The following IQCH variants were observed in gnomAD, a reference collection of about 807,000 sequenced individuals.
IQCH encodes IQ motif containing H.
Under a neutral mutation model 117.0 loss-of-function variants are expected in IQCH, and 98 were observed. The ratio of observed to expected loss-of-function variants is 0.84; its 90% CI spans 0.71 to 0.99. The LOEUF is 0.99. IQCH is among the 50% of genes least tolerant of loss of function. The pLI, the probability that IQCH is intolerant of heterozygous loss-of-function variation, is 0.00. For missense variants in IQCH, 1,102 were observed against 1,243.8 expected, an observed-to-expected ratio of 0.89 and a Z score of 1.72; for synonymous variants, 412 against 448.2, an observed-to-expected ratio of 0.92 and a Z score of 1.02.
At chr15:67,306,775 T>C (rs1404571009) in intron 4 of IQCH, 1 of 1,281,534 alleles carries the variant, frequency 7.8e-7, no homozygotes, top group African/African-American at 1.5e-5. Flanking sequence ...ATTTTTTCAA[T>C]ATCTTCAATC....
rs545408771 is a variant in IQCH, at chr15:67,454,261, C to T, written c.2506-10866C>T. Among the ~76,000 whole-genome samples the T allele has an allele frequency of 7.2e-4, 109 of 152,296 alleles. No homozygotes were observed. Among genetic ancestry groups the T allele is most frequent in the Middle Eastern group, 6.8e-3 (2 of 294 alleles). On this transcript the variant is annotated intron_variant, in intron 16 of 20. Transcript: ENST00000335894. The surrounding 1 kb of genome is among the most constrained non-coding windows in gnomAD (Gnocchi z 5.2). ...CCTGCGCCTACTGTCTGGCACTCCC[C>T]AGTGAGATGAACCCGGTACCTCAGT...
chr15:67,452,224 A>G (rs1051911664), intron 16 of IQCH, among the ~76,000 whole-genome samples: 7 of 152,178 alleles, frequency 4.6e-5, no homozygotes, highest in African/African-American at 1.7e-4. Context: ...GCCCATTTAC[A>G]TTTAAAGTTA....
chr15:67,299,773 T>G (rs1317120538), intron 4 of IQCH, among the ~76,000 whole-genome samples: 1 of 152,148 alleles, frequency 6.6e-6, no homozygotes, highest in Non-Finnish European at 1.5e-5. Flanking sequence ...TGTATTCAGA[T>G]TCTGTCTTTT....
At chr15:67,483,789 A>C (rs1161438934) in intron 18 of IQCH, among the ~76,000 whole-genome samples, 1 of 152,194 alleles carries the variant, frequency 6.6e-6, no homozygotes, top group African/African-American at 2.4e-5. Context: ...AGTGAGCCCC[A>C]AAAATTTGTG....
Position 67,372,102 on chromosome 15 carries a change from T to C in IQCH, c.754-9T>C, listed in dbSNP as rs767403384. On this transcript the variant is annotated splice_polypyrimidine_tract_variant and intron_variant, in intron 8 of 20. Coordinates refer to ENST00000335894, the MANE Select transcript of IQCH (RefSeq NM_001031715.3). ...TTCACTTCTAAAATATATTTCTTTT[T>C]TTCCACAGGCCATGAAAGTCAAAAC... The C allele has an allele frequency of 6.3e-7, 1 of 1,578,998 alleles. No individual in the cohort carries two copies. The highest frequency in any genetic ancestry group is 8.6e-7 in the Non-Finnish European group (1 of 1,167,180).
At chr15:67,261,498 C>A in intron 2 of IQCH, 104 bp downstream of exon 2, 1 of 958,816 alleles carries the variant, frequency 1.0e-6, no homozygotes, top group East Asian at 3.0e-5. Context: ...TGTAACAAAG[C>A]TGAATTTAGG....
intron 7 of IQCH, among the ~76,000 whole-genome samples, chr15:67,358,055 C>T (rs937000795): frequency 6.6e-6 from 1 of 150,858 alleles, no homozygotes; most frequent in Non-Finnish European, 1.5e-5. Context: ...GACGGGGTTT[C>T]ACCATTTTGG....
At chr15:67,291,215 G>T (rs1966739701) in intron 4 of IQCH, among the ~76,000 whole-genome samples, 1 of 152,134 alleles carries the variant, frequency 6.6e-6, no homozygotes, top group Admixed American at 6.5e-5. Context: ...AAAGCAAAAA[G>T]GTGAAGCCAT....
At chr15:67,292,717 T>C (rs1966793805) in intron 4 of IQCH, among the ~76,000 whole-genome samples, 2 of 152,202 alleles carry the variant, frequency 1.3e-5, no homozygotes, top group Non-Finnish European at 1.5e-5. Flanking sequence ...TTTCACCCCT[T>C]AATGCTTTTA....
intron 14 of IQCH, among the ~76,000 whole-genome samples, chr15:67,414,810 GACC>G (rs2081537903): frequency 6.6e-6 from 1 of 152,012 alleles, no homozygotes; most frequent in Non-Finnish European, 1.5e-5. Flanking sequence ...TGGTATGAAT[GACC>G]ACATGTGTAT....
chr15:67,288,023 G>A (rs1966627223), intron 4 of IQCH, among the ~76,000 whole-genome samples: 1 of 151,918 alleles, frequency 6.6e-6, no homozygotes. Context: ...GGAGCATATT[G>A]TTTACTTTCC....
chr15:67,405,705 C>G lies in IQCH; in HGVS notation c.2097+5400C>G, dbSNP rs1971870358. 1 of 152,244 alleles carries G rather than the reference C, an allele frequency of 6.6e-6. No homozygotes were observed. The highest frequency in any genetic ancestry group is 2.1e-4 in the South Asian group (1 of 4,834). 9.4% of individuals were successfully genotyped at this position (152,244 alleles called of 1,614,324 possible). A position where few individuals can be genotyped will look rare whatever the true frequency, so the allele number is the denominator to read the frequency against. Reference sequence around the variant, plus strand: ...TGCTTTTGCCACACTGAGCCAAGTACATTTAGGAAAGACCTTATTTGAAAG... The same window carrying G: ...TGCTTTTGCCACACTGAGCCAAGTAGATTTAGGAAAGACCTTATTTGAAAG... On this transcript the variant is annotated intron_variant, in intron 14 of 20. Transcript: ENST00000335894. The surrounding 1 kb of genome is among the most constrained non-coding windows in gnomAD (Gnocchi z 4.8).
Position 67,424,937 on chromosome 15 carries a change from C to T in IQCH, c.2505+3360C>T, listed in dbSNP as rs972925241. On this transcript the variant is annotated intron_variant, in intron 16 of 20. Coordinates refer to ENST00000335894, the MANE Select transcript of IQCH (RefSeq NM_001031715.3). This position sits in a 1 kb window ranked among gnomAD's most constrained non-coding sequence, Gnocchi z 4.9. ...TTGCAAGTGGTATCACTTCAGAAAA[C>T]ATCTTAATTTTTTTTCTAATTGACA... Among the ~76,000 whole-genome samples, 4 of 152,158 alleles carry T rather than the reference C, an allele frequency of 2.6e-5. No homozygotes were observed. The highest frequency in any genetic ancestry group is 1.9e-4 in the East Asian group (1 of 5,202).
chr15:67,365,668 G>A lies in IQCH; in HGVS notation c.753+5783G>A, dbSNP rs924527047. 1.2e-4 allele frequency among the ~76,000 whole-genome samples: 19 copies of A among 152,162 alleles called. No homozygotes were observed. Among genetic ancestry groups the A allele is most frequent in the Admixed American group, 3.9e-4 (6 of 15,282 alleles). On this transcript the variant is annotated intron_variant, in intron 8 of 20. Transcript: ENST00000335894. This position sits in a 1 kb window ranked among gnomAD's most constrained non-coding sequence, Gnocchi z 4.4. ...ATAGAAGCCACGCACGGTGGCTCAC[G>A]CCTGTAATCCCAGCACTTTGGGAGG...
At chr15:67,286,998 A>G (rs1431881682) in intron 4 of IQCH, among the ~76,000 whole-genome samples, 1 of 152,140 alleles carries the variant, frequency 6.6e-6, no homozygotes, top group Non-Finnish European at 1.5e-5. Flanking sequence ...GTTGAATTTT[A>G]TCAAATACTT....
intron 10 of IQCH, among the ~76,000 whole-genome samples, chr15:67,379,991 T>G (rs1970870473): frequency 6.6e-6 from 1 of 152,166 alleles, no homozygotes; most frequent in South Asian, 2.1e-4. Flanking sequence ...TAGCTGAAAT[T>G]ACAGGCATGT....
At chr15:67,441,018 T>C (rs2082254830) in intron 16 of IQCH, among the ~76,000 whole-genome samples, 1 of 149,318 alleles carries the variant, frequency 6.7e-6, no homozygotes, top group African/African-American at 2.5e-5. Flanking sequence ...TCAGCAAAGT[T>C]TCCAGATACA....
chr15:67,261,727 C>T (rs559402325), intron 2 of IQCH, among the ~76,000 whole-genome samples: 1 of 152,244 alleles, frequency 6.6e-6, no homozygotes, highest in South Asian at 2.1e-4. Flanking sequence ...AAAATAATTA[C>T]TGTCAATCCA....
At position 67,370,873 on chromosome 15, in the gene IQCH, C is replaced by T. The variant is rs185372393; in HGVS notation, c.754-1238C>T. Among the ~76,000 whole-genome samples the T allele has an allele frequency of 4.0e-4, 61 of 151,950 alleles. No homozygotes were observed. In the East Asian group the frequency reaches 0.011, roughly 28 times the overall value. On this transcript the variant is annotated intron_variant, in intron 8 of 20. Transcript: ENST00000335894. This position sits in a 1 kb window ranked among gnomAD's most constrained non-coding sequence, Gnocchi z 5.6. ...GGCAGTCTAATTAATTATTGTGCGG[C>T]CCAGGACCGGAGAAAAGAAAACGCG...
Sources: allele counts gnomAD v4.1 joint callset (sites outside exome capture counted in the v4.1 genomes callset), GRCh38; gene constraint gnomAD v4.1.1; non-coding constraint Gnocchi (gnomAD v3.1); transcripts MANE v1.5; gene names NCBI Gene and HGNC (gene_info 2026-07-23, HGNC 2026-07-21).